TMEM87B: variants seen among roughly 807,000 people sequenced by gnomAD.
TMEM87B encodes transmembrane protein 87B.
TMEM87B carries 83 observed loss-of-function variants against 80.3 expected under a neutral mutation model. That is an observed-to-expected ratio of 1.03 (90% confidence interval 0.87 to 1.24). The LOEUF (loss-of-function observed/expected upper bound fraction) is 1.24, where lower values mean the gene tolerates loss of function less well. Among genes scored for constraint, TMEM87B ranks in the 50% most tolerant of loss-of-function variants. The pLI is 0.00. For missense variants in TMEM87B, 625 were observed against 674.4 expected (o/e 0.93, Z 0.81); for synonymous variants, 219 against 230.5 (o/e 0.95, Z 0.45).
At chr2:112,059,609 A>G (rs560210239) in intron 1 of TMEM87B, among the ~76,000 whole-genome samples, 2 of 152,234 alleles carry the variant, frequency 1.3e-5, no homozygotes, top group South Asian at 4.1e-4. Context: ...TGGAGCTGGG[A>G]GAGGGGGACA....
At chr2:112,059,142 A>G (rs941876131) in intron 1 of TMEM87B, among the ~76,000 whole-genome samples, 2 of 152,164 alleles carry the variant, frequency 1.3e-5, no homozygotes, top group African/African-American at 4.8e-5. Context: ...TTGTCCTATC[A>G]GTGTTTTTTG....
chr2:112,086,088 G>A lies in TMEM87B; in HGVS notation c.922G>A (p.Gly308Ser), dbSNP rs1329225156. 6.2e-7 allele frequency: 1 copy of A among 1,614,152 alleles called. No individual in the cohort carries two copies. The highest frequency in any genetic ancestry group is 8.5e-7 in the Non-Finnish European group (1 of 1,180,006). The change falls in exon 9 of 19, where the codon GGC (glycine) becomes AGC (serine). Residue 308 changes from glycine to serine, a missense_variant. Gly to Ser is a moderately conservative substitution (Grantham distance 56). Transcript: ENST00000283206. ...CCTTCTCGTGATCATTGTGAGCCTG[G>A]GCTATGGCATTGTGAAGTAAGTACT... ...ARLLVIIVSL[G>S]YGIVKPRLGT...
intron 9 of TMEM87B, 91 bp from the exon 10 acceptor site, chr2:112,089,534 G>T: frequency 8.8e-7 from 1 of 1,140,210 alleles, no homozygotes; most frequent in South Asian, 1.3e-5. Context: ...GTGACTTCCT[G>T]GTATTGGAAA....
intron 8 of TMEM87B, among the ~76,000 whole-genome samples, chr2:112,084,493 G>C (rs1679088748): frequency 6.6e-6 from 1 of 152,202 alleles, no homozygotes; most frequent in African/African-American, 2.4e-5. Context: ...CACACTTGCT[G>C]CCCTTCCAGG....
At chr2:112,107,630 A>G (rs1679807950) in intron 16 of TMEM87B, among the ~76,000 whole-genome samples, 158 bp from the exon 17 acceptor site, 1 of 152,228 alleles carries the variant, frequency 6.6e-6, no homozygotes, top group Non-Finnish European at 1.5e-5. Context: ...ACAGTGGCAT[A>G]ATTTCTGTAT....
At chr2:112,087,751 C>T (rs2104483016) in intron 9 of TMEM87B, among the ~76,000 whole-genome samples, 1 of 152,302 alleles carries the variant, frequency 6.6e-6, no homozygotes, top group East Asian at 1.9e-4. Flanking sequence ...GCCTCATTCA[C>T]CTTTCCCCTG....
At chr2:112,106,856 CAGATGGATAAATAAACA>C (rs1174237813) in intron 16 of TMEM87B, among the ~76,000 whole-genome samples, 2 of 151,946 alleles carry the variant, frequency 1.3e-5, no homozygotes, top group African/African-American at 4.8e-5. Flanking sequence ...ATAGATTAGA[CAGATGGATAAATAAACA>C]AGATGGATAA....
chr2:112,062,041 C>A (rs1183504524), intron 2 of TMEM87B, among the ~76,000 whole-genome samples: 4 of 152,260 alleles, frequency 2.6e-5, no homozygotes, highest in Non-Finnish European at 5.9e-5. Context: ...CATTACTAGT[C>A]CAGTTTACGG....
chr2:112,088,446 T>C (rs1270070279), intron 9 of TMEM87B, among the ~76,000 whole-genome samples: 1 of 152,218 alleles, frequency 6.6e-6, no homozygotes, highest in Non-Finnish European at 1.5e-5. Context: ...GGTTAGTTGA[T>C]TATAATGAAT....
intron 2 of TMEM87B, among the ~76,000 whole-genome samples, chr2:112,062,117 G>A (rs1365498907): frequency 1.3e-5 from 2 of 152,256 alleles, no homozygotes; most frequent in African/African-American, 4.8e-5. Flanking sequence ...AATCATGAAA[G>A]TGAGTAATTG....
At position 112,089,713 on chromosome 2, in the gene TMEM87B, A is replaced by C. The variant is rs750801617; in HGVS notation, c.1027A>C (p.Ile343Leu). 1.2e-6 allele frequency: 2 copies of C among 1,614,052 alleles called. No individual in the cohort carries two copies. Among genetic ancestry groups the C allele is most frequent in the Non-Finnish European group, 1.7e-6 (2 of 1,179,906 alleles). ...AGCTGTTGAAGGCGTGATGAGAGTC[A>C]TTGGGGTAAAAACTACATTATTCTA... ...FAAVEGVMRV[I>L]GGSNHLAVVL... The change falls in exon 10 of 19, where the codon ATT (isoleucine) becomes CTT (leucine). Residue 343 changes from isoleucine (I) to leucine (L), a missense_variant. By Grantham distance (5) the Ile-to-Leu change is conservative. Coordinates refer to ENST00000283206, the MANE Select transcript of TMEM87B (RefSeq NM_032824.3).
At chr2:112,102,202 T>G (rs922947628) in intron 15 of TMEM87B, among the ~76,000 whole-genome samples, 3 of 151,862 alleles carry the variant, frequency 2.0e-5, no homozygotes, top group African/African-American at 7.3e-5. Context: ...CAAGAAAAAA[T>G]TATAGACCAA....
intron 2 of TMEM87B, among the ~76,000 whole-genome samples, chr2:112,060,969 T>A (rs1678241760): frequency 6.6e-6 from 1 of 152,250 alleles, no homozygotes. Context: ...GTCTCAGATT[T>A]TTAAAACTAG....
rs577884050 is a variant in TMEM87B, at chr2:112,103,543, A to C, written c.1451-2459A>C. Among the ~76,000 whole-genome samples, 142 of 152,364 alleles carry C rather than the reference A, an allele frequency of 9.3e-4. 1 individual carries two copies. Among genetic ancestry groups the C allele is most frequent in the African/African-American group, 3.3e-3 (138 of 41,584 alleles). Reference sequence around the variant, plus strand: ...TTGAAAACATTATGTTAAGTGAAAGAAGCCAATCACAAAAGACCACATACT... The same window carrying C: ...TTGAAAACATTATGTTAAGTGAAAGCAGCCAATCACAAAAGACCACATACT... On this transcript the variant is annotated intron_variant, in intron 15 of 18. Transcript: ENST00000283206.
intron 11 of TMEM87B, chr2:112,095,577 A>C (rs1679444258): frequency 1.5e-6 from 1 of 656,024 alleles, no homozygotes; most frequent in African/African-American, 2.0e-5. Flanking sequence ...GATGTATTTA[A>C]GGAATAAAGT....
At chr2:112,107,175 T>G (rs1362088804) in intron 16 of TMEM87B, among the ~76,000 whole-genome samples, 1 of 151,928 alleles carries the variant, frequency 6.6e-6, no homozygotes, top group Non-Finnish European at 1.5e-5. Context: ...CTGGGCAACA[T>G]GGTGAAACCC....
intron 11 of TMEM87B, among the ~76,000 whole-genome samples, chr2:112,092,119 G>T (rs1026919573): frequency 2.6e-5 from 4 of 152,174 alleles, no homozygotes; most frequent in African/African-American, 9.7e-5. Flanking sequence ...TGCCATCTTA[G>T]AGAGGTGCTG....
At chr2:112,107,880 G>C in intron 17 of TMEM87B, 40 bp downstream of exon 17, 1 of 1,422,054 alleles carries the variant, frequency 7.0e-7, no homozygotes, top group Non-Finnish European at 9.8e-7. Context: ...TAAATTTTAG[G>C]CTGTAGTTTA....
intron 1 of TMEM87B, among the ~76,000 whole-genome samples, chr2:112,058,084 C>T (rs1678135996): frequency 6.6e-6 from 1 of 152,220 alleles, no homozygotes; most frequent in South Asian, 2.1e-4. Flanking sequence ...GCCTCAGCCT[C>T]CCAAAGTTCT....
Sources: allele counts gnomAD v4.1 joint callset (sites outside exome capture counted in the v4.1 genomes callset), GRCh38; gene constraint gnomAD v4.1.1; transcripts MANE v1.5; gene names NCBI Gene and HGNC (gene_info 2026-07-23, HGNC 2026-07-21).